The following CECR2 variants were observed in gnomAD, a reference collection of about 807,000 sequenced individuals.
The protein encoded by CECR2 is CECR2 histone acetyl-lysine reader.
Under a neutral mutation model 154.5 loss-of-function variants are expected in CECR2, and 30 were observed. The observed-to-expected ratio is 0.19, with a 90% CI of 0.15 to 0.26. The LOEUF (loss-of-function observed/expected upper bound fraction) is 0.26, where lower values mean the gene tolerates loss of function less well. CECR2 is among the 10% of genes least tolerant of loss of function. CECR2 has a pLI of 1.00. For synonymous variants in CECR2, 725 were observed against 683.7 expected (o/e 1.06, Z -0.94); for missense variants, 1,743 against 1,829.3 (o/e 0.95, Z 0.86).
chr22:17,411,714 C>T (rs1247040486), intron 1 of CECR2, among the ~76,000 whole-genome samples: 1 of 151,966 alleles, frequency 6.6e-6, no homozygotes, highest in Non-Finnish European at 1.5e-5. Context: ...GCACCTTTCT[C>T]TTTCAAAAAA....
intron 2 of CECR2, among the ~76,000 whole-genome samples, 197 bp from the exon 3 acceptor site, chr22:17,497,206 A>T (rs2055645380): frequency 6.6e-6 from 1 of 151,968 alleles, no homozygotes; most frequent in Admixed American, 6.6e-5. Context: ...GAGGTGGGAA[A>T]ATCTTTTGAG....
At position 17,504,856 on chromosome 22, in the gene CECR2, G is replaced by A. The variant is rs1410111419; in HGVS notation, c.710G>A (p.Gly237Glu). 1 of 1,613,178 alleles carries A rather than the reference G, an allele frequency of 6.2e-7. No individual in the cohort carries two copies. The highest frequency in any genetic ancestry group is 8.5e-7 in the Non-Finnish European group (1 of 1,179,656). The change falls in exon 7 of 19, where the codon GGG becomes GAG. Residue 237 changes from glycine to glutamate, a missense_variant. Gly to Glu is a moderately conservative substitution (Grantham distance 98, BLOSUM62 -2). Around this residue, in one of 4 missense-constraint regions of CECR2, gnomAD observed 292 missense variants for 301.2 expected, o/e 0.97. Transcript: ENST00000262608. ...TTCCTTTATTTTCTAGGGTCCCAAG[G>A]GCCAGGCCAAGGTACTTGGTGGCTC... is the stretch of plus-strand genomic sequence containing the variant. ...SEPQTRHGSQ[G>E]PGQGTWWLLC...
chr22:17,454,250 G>T (rs1393425891), intron 1 of CECR2, among the ~76,000 whole-genome samples: 1 of 151,960 alleles, frequency 6.6e-6, no homozygotes, highest in Non-Finnish European at 1.5e-5. Flanking sequence ...AATGAGCCAT[G>T]ATCGCACCAC....
chr22:17,505,783 C>A (rs9605309), intron 7 of CECR2, among the ~76,000 whole-genome samples: 4 of 149,858 alleles, frequency 2.7e-5, no homozygotes, highest in African/African-American at 9.8e-5. Context: ...AGTGATATAC[C>A]GCCTCAGCCT....
chr22:17,408,199 C>T (rs2054013618), intron 1 of CECR2, among the ~76,000 whole-genome samples: 2 of 148,164 alleles, frequency 1.3e-5, no homozygotes, highest in Middle Eastern at 3.4e-3. Flanking sequence ...CCTGTACCCC[C>T]CTCAGCCCCC....
chr22:17,443,072 T>C (rs8140022), intron 1 of CECR2, among the ~76,000 whole-genome samples: 20,753 of 152,266 alleles, frequency 0.14, 1,880 homozygotes, highest in Non-Finnish European at 0.2. Context: ...CAGTGGTATG[T>C]CCTGGTGTGT....
chr22:17,472,211 A>C (rs1276227241), intron 1 of CECR2, among the ~76,000 whole-genome samples: 2 of 152,176 alleles, frequency 1.3e-5, no homozygotes, highest in Non-Finnish European at 2.9e-5. Context: ...CCTCACCATT[A>C]TACCCACTTG....
At chr22:17,425,035 C>T (rs1430954474) in intron 1 of CECR2, among the ~76,000 whole-genome samples, 2 of 152,174 alleles carry the variant, frequency 1.3e-5, no homozygotes, top group Non-Finnish European at 2.9e-5. Flanking sequence ...AGTGTCTATT[C>T]TTGAAGCTTG....
At chr22:17,500,208 C>CTCAAAAAAA (rs2055710682) in intron 4 of CECR2, among the ~76,000 whole-genome samples, 1 of 115,990 alleles carries the variant, frequency 8.6e-6, no homozygotes, top group African/African-American at 3.1e-5. Flanking sequence ...GAGACTCCAT[C>CTCAAAAAAA]AAAAAAAAAA....
Position 17,538,735 on chromosome 22 carries a change from G to T in CECR2, c.1368+4G>T. The T allele has an allele frequency of 6.2e-7, 1 of 1,612,074 alleles. No homozygotes were observed. Among genetic ancestry groups the T allele is most frequent in the Non-Finnish European group, 8.5e-7 (1 of 1,178,272 alleles). Reference sequence around the variant, plus strand: ...TAACTATTATCAGATTATTAAGGTAGAAGTTGTCTTTGCAGTAATGCCTAC... The same window carrying T: ...TAACTATTATCAGATTATTAAGGTATAAGTTGTCTTTGCAGTAATGCCTAC... On this transcript the variant is annotated splice_donor_region_variant and intron_variant, in intron 12 of 18. Transcript: ENST00000262608.
chr22:17,547,885 C>T (rs940903031), intron 16 of CECR2, among the ~76,000 whole-genome samples: 2 of 152,102 alleles, frequency 1.3e-5, no homozygotes, highest in Non-Finnish European at 2.9e-5. Context: ...GGGCAACCCA[C>T]GGTTAAGGAC....
intron 2 of CECR2, among the ~76,000 whole-genome samples, chr22:17,491,763 C>T (rs1005884156): frequency 6.6e-6 from 1 of 152,058 alleles, no homozygotes; most frequent in Admixed American, 6.5e-5. Flanking sequence ...TTTAAAGATA[C>T]ATTTGGGGTT....
At chr22:17,461,806 T>TG (rs2054942517) in intron 1 of CECR2, among the ~76,000 whole-genome samples, 2 of 150,476 alleles carry the variant, frequency 1.3e-5, no homozygotes. Context: ...TTTTTTTTTT[T>TG]TTTTGAAATG....
intron 1 of CECR2, among the ~76,000 whole-genome samples, chr22:17,473,684 C>T (rs1319586917): frequency 2.0e-5 from 3 of 152,144 alleles, no homozygotes; most frequent in African/African-American, 7.2e-5. Context: ...ATCATTACAA[C>T]CCTTGAAAAT....
intron 1 of CECR2, among the ~76,000 whole-genome samples, chr22:17,397,698 T>C (rs528791935): frequency 2.6e-5 from 4 of 151,836 alleles, no homozygotes; most frequent in Non-Finnish European, 4.4e-5. Context: ...GGGGTTTCAC[T>C]GTGTTAGCCA....
intron 2 of CECR2, among the ~76,000 whole-genome samples, chr22:17,482,688 C>T: frequency 6.6e-6 from 1 of 151,732 alleles, no homozygotes; most frequent in Admixed American, 6.6e-5. Flanking sequence ...CGTGCACCAC[C>T]AGGCCCATCT....
At chr22:17,546,055 T>C (rs183596799) in intron 16 of CECR2, among the ~76,000 whole-genome samples, 1,710 of 151,314 alleles carry the variant, frequency 0.011, 37 homozygotes, top group African/African-American at 0.039. Flanking sequence ...TCCGACTCTT[T>C]TAAAAAAAGA....
chr22:17,504,264 T>C (rs1297149539), intron 6 of CECR2, among the ~76,000 whole-genome samples: 1 of 151,606 alleles, frequency 6.6e-6, no homozygotes, highest in African/African-American at 2.4e-5. Context: ...TCCCAGCTAC[T>C]TGGGGGGTGC....
At position 17,549,458 on chromosome 22, in the gene CECR2, C is replaced by T. The variant is rs747575846; in HGVS notation, c.4171C>T (p.Arg1391Cys). ...CCTCTCTCAGGAGGGTCCCATCTAT[C>T]GCTGCCAGGAAGAAGGCCTGGGTCA... ...NGLSQEGPIY[R>C]CQEEGLGHFQ... is the part of the protein sequence containing the mutation. The change falls in exon 17 of 19, where the codon CGC (arginine) becomes TGC (cysteine). Residue 1391 changes from arginine to cysteine, a missense_variant. By Grantham distance (180) the Arg-to-Cys change is radical (BLOSUM62 -3). Around this residue, in one of 4 missense-constraint regions of CECR2, gnomAD observed 1,250 missense variants for 1,192.1 expected, o/e 1.05. Transcript: ENST00000262608. The T allele has an allele frequency of 1.5e-5, 24 of 1,611,818 alleles. No homozygotes were observed. The highest frequency in any genetic ancestry group is 1.6e-4 in the Middle Eastern group (1 of 6,084).
Sources: gnomAD v4.1 joint callset for allele counts (sites outside exome capture counted in the v4.1 genomes callset) on GRCh38, gnomAD v4.1.1 for gene constraint, gnomAD v4.1.1 regional missense constraint, MANE v1.5 for transcripts, NCBI Gene and HGNC (gene_info 2026-07-23, HGNC 2026-07-21) for gene names.